SLC15A2: variants seen among roughly 807,000 people sequenced by gnomAD.
SLC15A2 encodes solute carrier family 15 member 2, also known as kidney H(+)/peptide cotransporter.
A neutral mutation model predicts 95.5 loss-of-function variants in SLC15A2; 77 were observed. The observed-to-expected ratio is 0.81, with a 90% CI of 0.67 to 0.97. SLC15A2 has a LOEUF of 0.97. Among genes scored for constraint, SLC15A2 ranks in the 50% least tolerant of loss-of-function variants. The pLI is 0.00. For synonymous variants in SLC15A2, 306 were observed against 306.9 expected, an observed-to-expected ratio of 1.00 and a Z score of 0.03; for missense variants, 893 against 874.4, an observed-to-expected ratio of 1.02 and a Z score of -0.27.
chr3:121,902,842 T>C (rs1709546288), intron 3 of SLC15A2, among the ~76,000 whole-genome samples: 3 of 152,216 alleles, frequency 2.0e-5, no homozygotes, highest in African/African-American at 7.2e-5. Flanking sequence ...GTCTTTATAG[T>C]AGCATGATTT....
intron 19 of SLC15A2, among the ~76,000 whole-genome samples, chr3:121,936,435 G>A (rs1239457288): frequency 6.6e-6 from 1 of 152,166 alleles, no homozygotes; most frequent in African/African-American, 2.4e-5. Flanking sequence ...CTTGCTTTAT[G>A]ACTCTGGGTG....
At chr3:121,936,303 C>A (rs1027244413) in intron 19 of SLC15A2, among the ~76,000 whole-genome samples, 19 of 152,116 alleles carry the variant, frequency 1.2e-4, no homozygotes, top group African/African-American at 4.3e-4. Flanking sequence ...GAGCTGAGTT[C>A]AATTCCTGGG....
In SLC15A2 at chr3:121,940,440, T is replaced by G. The variant is rs764483405; in HGVS notation, c.1965T>G (p.Val655=). 6.2e-7 allele frequency: 1 copy of G among 1,614,108 alleles called. No homozygotes were observed. Among genetic ancestry groups the G allele is most frequent in the South Asian group, 1.1e-5 (1 of 91,074 alleles). ...LQAAWLLTIA[V]GNIIVLVVAQ... The stretch of plus-strand genomic sequence containing the variant: ...CAGCTTGGCTATTGACAATTGCAGT[T>G]GGGAATATCATCGTGCTTGTTGTGG... Residue 655 remains valine (V), a synonymous_variant, in exon 21 of 22, where the codon GTT becomes GTG. Transcript: ENST00000489711.
In SLC15A2 at chr3:121,894,418, G is replaced by A; in HGVS notation, c.-59G>A. The A allele has an allele frequency of 7.3e-7, 1 of 1,363,408 alleles. No homozygotes were observed. The highest frequency in any genetic ancestry group is 1.0e-6 in the Non-Finnish European group (1 of 966,468). 84.5% of individuals were successfully genotyped at this position (1,363,408 alleles called of 1,614,324 possible). A position where few individuals can be genotyped will look rare whatever the true frequency, so the allele number is the denominator to read the frequency against. On this transcript the variant is annotated 5_prime_UTR_variant, in exon 1 of 22. Coordinates refer to ENST00000489711, the MANE Select transcript of SLC15A2 (RefSeq NM_021082.4). ...TTCTTTTCAGAGTAGGCTGGCAGCT[G>A]TCCTAACTGCCTACTAAAGCCAAAT...
rs370371756 is a variant in SLC15A2 at position 121,940,963 on chromosome 3, C to T, written c.2146C>T (p.Gln716Ter). ...GPADKHIPHI[Q>*]GNMIKLETKK... ...AGCAGATAAGCACATTCCTCACATC[C>T]AGGGGAACATGATCAAACTAGAGAC... Residue 716 changes from glutamine to a stop codon, truncating the protein, a stop_gained, in exon 22 of 22, where the codon CAG (glutamine) becomes TAG (stop). Transcript: ENST00000489711. LOFTEE classifies it high-confidence loss of function. 363 of 1,614,130 alleles carry T rather than the reference C, an allele frequency of 2.2e-4. 5 individuals are homozygous for T. The South Asian group carries it at 2.9e-3, about 13-fold the overall frequency.
At chr3:121,905,926 C>T (rs1355791117) in intron 3 of SLC15A2, among the ~76,000 whole-genome samples, 1 of 152,164 alleles carries the variant, frequency 6.6e-6, no homozygotes, top group African/African-American at 2.4e-5. Flanking sequence ...TCTCATTGTT[C>T]TGTCTAATAC....
intron 3 of SLC15A2, 39 bp downstream of exon 3, chr3:121,897,568 A>G: frequency 6.2e-7 from 1 of 1,608,980 alleles, no homozygotes; most frequent in South Asian, 1.1e-5. Flanking sequence ...CAAGTTTCAC[A>G]GGTTGTGCAG....
At chr3:121,904,208 G>T (rs1322374114) in intron 3 of SLC15A2, among the ~76,000 whole-genome samples, 2 of 152,152 alleles carry the variant, frequency 1.3e-5, no homozygotes, top group Non-Finnish European at 2.9e-5. Flanking sequence ...TTTGTATCCT[G>T]AGACTTTGCT....
intron 5 of SLC15A2, among the ~76,000 whole-genome samples, chr3:121,914,459 T>G (rs1358019844): frequency 6.6e-6 from 1 of 152,228 alleles, no homozygotes; most frequent in African/African-American, 2.4e-5. Context: ...CCAGATGATT[T>G]CTTTTTAGAC....
At chr3:121,923,875 G>A (rs1328225227) in intron 11 of SLC15A2, among the ~76,000 whole-genome samples, 1 of 152,044 alleles carries the variant, frequency 6.6e-6, no homozygotes, top group Non-Finnish European at 1.5e-5. Flanking sequence ...CAGTCTATTT[G>A]GAGCCTGCAA....
intron 3 of SLC15A2, among the ~76,000 whole-genome samples, chr3:121,906,326 T>C (rs543253884): frequency 6.6e-6 from 1 of 152,356 alleles, no homozygotes; most frequent in Non-Finnish European, 1.5e-5. Flanking sequence ...TGCCACTCTA[T>C]GTCTTTTAAT....
intron 21 of SLC15A2, 36 bp downstream of exon 21, chr3:121,940,524 CAA>C: frequency 6.6e-7 from 1 of 1,522,402 alleles, no homozygotes; most frequent in Non-Finnish European, 9.1e-7. Context: ...CATTTCTACT[CAA>C]GTTTTTCCTC....
At chr3:121,910,703 C>T (rs1709748745) in intron 3 of SLC15A2, among the ~76,000 whole-genome samples, 1 of 152,090 alleles carries the variant, frequency 6.6e-6, no homozygotes, top group South Asian at 2.1e-4. Flanking sequence ...ACTGTAATTT[C>T]CAAGGTTCAT....
At chr3:121,914,991 C>A in intron 5 of SLC15A2, 1 of 1,262,942 alleles carries the variant, frequency 7.9e-7, no homozygotes. Flanking sequence ...TTATTTTTAA[C>A]CTATGAAAAG....
intron 19 of SLC15A2, among the ~76,000 whole-genome samples, chr3:121,937,260 G>A (rs1193003946): frequency 1.3e-5 from 1 of 77,042 alleles, no homozygotes; most frequent in African/African-American, 5.2e-5. Flanking sequence ...TGCTCTTCTC[G>A]AGGAGTATCT....
intron 3 of SLC15A2, among the ~76,000 whole-genome samples, chr3:121,906,193 A>G (rs777073700): frequency 3.3e-5 from 5 of 150,824 alleles, no homozygotes; most frequent in Non-Finnish European, 5.9e-5. Context: ...TTTGCTTTCC[A>G]TTTACTTGGT....
At chr3:121,915,845 G>A in intron 7 of SLC15A2, 152 bp downstream of exon 7, 1 of 547,964 alleles carries the variant, frequency 1.8e-6, no homozygotes, top group Non-Finnish European at 3.2e-6. Flanking sequence ...CAATTTTGGA[G>A]GTAAATTCTG....
At chr3:121,924,888 C>T in intron 12 of SLC15A2, 57 bp from the exon 13 acceptor site, 2 of 1,223,856 alleles carry the variant, frequency 1.6e-6, no homozygotes, top group South Asian at 2.4e-5. Context: ...GAGTGCAGTG[C>T]TCACACTCAT....
At chr3:121,912,672 C>T (rs567641382) in intron 4 of SLC15A2, among the ~76,000 whole-genome samples, 33 of 152,158 alleles carry the variant, frequency 2.2e-4, no homozygotes, top group African/African-American at 8.0e-4. Flanking sequence ...AAAGGTCTTT[C>T]CATTGAAGTA....
Sources: gnomAD v4.1 joint callset for allele counts (sites outside exome capture counted in the v4.1 genomes callset) on GRCh38, gnomAD v4.1.1 for gene constraint, MANE v1.5 for transcripts, NCBI Gene and HGNC (gene_info 2026-07-23, HGNC 2026-07-21) for gene names.